Variants in RIMS1 observed in about 807,000 individuals in gnomAD.
The protein encoded by RIMS1 is regulating synaptic membrane exocytosis protein 1.
A neutral mutation model predicts 214.1 loss-of-function variants in RIMS1; 83 were observed. The observed-to-expected ratio is 0.39, with a 90% confidence interval of 0.32 to 0.47. The LOEUF is 0.47. RIMS1 is among the 20% of genes least tolerant of loss of function. The pLI, the probability that RIMS1 is intolerant of heterozygous loss-of-function variation, is 0.99. For missense variants in RIMS1, 2,050 were observed against 2,161.8 expected, an observed-to-expected ratio of 0.95 and a Z score of 1.03; for synonymous variants, 793 against 786.8, an observed-to-expected ratio of 1.01 and a Z score of -0.13.
At chr6:72,116,635 C>A (rs1339804967) in intron 4 of RIMS1, among the ~76,000 whole-genome samples, 1 of 151,912 alleles carries the variant, frequency 6.6e-6, no homozygotes, top group African/African-American at 2.4e-5. Context: ...GCTTTGTGAG[C>A]TTTACAGTCT....
intron 6 of RIMS1, among the ~76,000 whole-genome samples, chr6:72,197,388 A>G (rs1421800935): frequency 1.3e-5 from 2 of 152,154 alleles, no homozygotes; most frequent in Non-Finnish European, 2.9e-5. Flanking sequence ...AGATCATTCA[A>G]GAGCAGAAGA....
At chr6:72,224,591 CGGTT>C (rs892626596) in intron 6 of RIMS1, among the ~76,000 whole-genome samples, 6 of 152,170 alleles carry the variant, frequency 3.9e-5, no homozygotes, top group Admixed American at 2.0e-4. Flanking sequence ...AGATTTAAAA[CGGTT>C]TATTCAGTCA....
At chr6:72,347,897 C>T (rs1332027668) in intron 29 of RIMS1, among the ~76,000 whole-genome samples, 1 of 151,872 alleles carries the variant, frequency 6.6e-6, no homozygotes, top group Non-Finnish European at 1.5e-5. Flanking sequence ...CTGTAGAATT[C>T]ATGTCACAAA....
Position 72,390,132 on chromosome 6 carries a change from G to A in RIMS1, c.4367-466G>A, listed in dbSNP as rs572121247. ...TTCTCTTCATGAGGATTGCTGATACGTGACAGTAAAACTGTGGTATTTTTC... is the reference window on the plus strand; with the variant it reads ...TTCTCTTCATGAGGATTGCTGATACATGACAGTAAAACTGTGGTATTTTTC... On this transcript the variant is annotated intron_variant, in intron 29 of 33. Coordinates refer to ENST00000521978, the MANE Select transcript of RIMS1 (RefSeq NM_014989.7). Among the ~76,000 whole-genome samples, 31 of 152,266 alleles carry A rather than the reference G, an allele frequency of 2.0e-4. No individual in the cohort carries two copies. The South Asian group carries it at 2.1e-3, about 10-fold the overall frequency.
chr6:72,279,705 A>G (rs1209532198), intron 23 of RIMS1, among the ~76,000 whole-genome samples: 3 of 152,072 alleles, frequency 2.0e-5, no homozygotes, highest in Non-Finnish European at 4.4e-5. Flanking sequence ...TTCAAAATGA[A>G]CATGTGGCAG....
chr6:72,325,594 G>A (rs978163124), intron 28 of RIMS1, among the ~76,000 whole-genome samples: 1 of 151,600 alleles, frequency 6.6e-6, no homozygotes, highest in Admixed American at 6.6e-5. Flanking sequence ...TGCCATCAAT[G>A]TAATATAGTC....
At chr6:71,901,490 G>A (rs919405178) in intron 1 of RIMS1, among the ~76,000 whole-genome samples, 1 of 151,992 alleles carries the variant, frequency 6.6e-6, no homozygotes, top group African/African-American at 2.4e-5. Flanking sequence ...AAACATTATG[G>A]TAGATAGGAA....
chr6:72,183,675 A>G (rs1379636257), intron 6 of RIMS1, among the ~76,000 whole-genome samples: 10 of 151,692 alleles, frequency 6.6e-5, no homozygotes, highest in Admixed American at 6.6e-4. Context: ...CCACTTATAT[A>G]TGGATGTTTT....
intron 2 of RIMS1, among the ~76,000 whole-genome samples, chr6:71,984,765 G>GTACA (rs1363844170): frequency 1.1e-4 from 15 of 133,848 alleles, no homozygotes; most frequent in African/African-American, 3.3e-4. Flanking sequence ...ATGTATGTAT[G>GTACA]TATGTACATA....
intron 29 of RIMS1, among the ~76,000 whole-genome samples, chr6:72,386,969 C>A (rs2098619318): frequency 6.6e-6 from 1 of 151,924 alleles, no homozygotes; most frequent in East Asian, 1.9e-4. Context: ...CTCCTGACCT[C>A]GTGATCCACC....
chr6:71,914,744 A>G (rs2150655780), intron 1 of RIMS1, among the ~76,000 whole-genome samples: 1 of 152,266 alleles, frequency 6.6e-6, no homozygotes, highest in South Asian at 2.1e-4. Context: ...AGGCACCATA[A>G]TTTTATTTGT....
At chr6:72,350,476 A>G (rs2097407910) in intron 29 of RIMS1, among the ~76,000 whole-genome samples, 1 of 152,088 alleles carries the variant, frequency 6.6e-6, no homozygotes, top group Admixed American at 6.6e-5. Flanking sequence ...TTTTCTTTTC[A>G]TATTCAGCAT....
At chr6:72,374,404 T>C (rs2098315223) in intron 29 of RIMS1, among the ~76,000 whole-genome samples, 1 of 152,152 alleles carries the variant, frequency 6.6e-6, no homozygotes, top group Non-Finnish European at 1.5e-5. Flanking sequence ...GCACACAGGC[T>C]CTAATTAAGT....
At chr6:72,341,539 A>T (rs1199127162) in intron 29 of RIMS1, among the ~76,000 whole-genome samples, 1 of 151,808 alleles carries the variant, frequency 6.6e-6, no homozygotes, top group African/African-American at 2.4e-5. Flanking sequence ...GAAATTACTC[A>T]ATTTACTTTA....
rs1389831416 is a variant in RIMS1 at position 72,158,687 on chromosome 6, T to A, written c.472-20888T>A. On this transcript the variant is annotated intron_variant, in intron 4 of 33. Transcript: ENST00000521978. ...TGGTTTTTTGTCCTTGCAATAGTTT[T>A]CTGAGAATGATGGTTTCCAGCTTCA... Among the ~76,000 whole-genome samples the A allele has an allele frequency of 2.2e-5, 3 of 137,876 alleles. 1 individual carries two copies. Among genetic ancestry groups the A allele is most frequent in the Non-Finnish European group, 4.9e-5 (3 of 60,828 alleles). 90.5% of individuals were successfully genotyped at this position (137,876 alleles called of 152,430 possible). A position where few individuals can be genotyped will look rare whatever the true frequency, so the allele number is the denominator to read the frequency against.
intron 2 of RIMS1, among the ~76,000 whole-genome samples, chr6:71,979,173 G>T (rs1481746863): frequency 6.6e-6 from 1 of 151,984 alleles, no homozygotes; most frequent in African/African-American, 2.4e-5. Context: ...ATTTAGTTCT[G>T]GAAGAGTAGA....
At chr6:71,919,842 C>T (rs192289256) in intron 1 of RIMS1, among the ~76,000 whole-genome samples, 8 of 152,184 alleles carry the variant, frequency 5.3e-5, no homozygotes, top group East Asian at 1.9e-4. Context: ...AGGTTAAGAA[C>T]GAGAACTCAA....
In RIMS1 at chr6:72,251,301, G is replaced by C; in HGVS notation, c.2631G>C (p.Leu877=). The C allele has an allele frequency of 1.9e-6, 3 of 1,600,362 alleles. No homozygotes were observed. Among genetic ancestry groups the C allele is most frequent in the Non-Finnish European group, 2.6e-6 (3 of 1,172,950 alleles). Residue 877 remains leucine (L), a synonymous_variant, in exon 15 of 34, where the codon CTG becomes CTC. Transcript: ENST00000521978. ...CACATGATGAGTCTTCACTACCTCT[G>C]CCTCAGCCATCACCTTTCATGCCAA... ...LQTHDESSLP[L]PQPSPFMPRR... is the part of the protein sequence containing the mutation.
intron 6 of RIMS1, among the ~76,000 whole-genome samples, chr6:72,230,388 G>A (rs1194684358): frequency 2.6e-5 from 4 of 151,516 alleles, no homozygotes; most frequent in Non-Finnish European, 5.9e-5. Context: ...TTTACTACCT[G>A]CACATTAGGT....
Sources: gnomAD v4.1 joint callset for allele counts (sites outside exome capture counted in the v4.1 genomes callset) on GRCh38, gnomAD v4.1.1 for gene constraint, MANE v1.5 for transcripts, NCBI Gene and HGNC (gene_info 2026-07-23, HGNC 2026-07-21) for gene names.